The following IGSF3 variants were observed in gnomAD, a reference collection of about 807,000 sequenced individuals.
IGSF3 encodes the protein glu-Trp-Ile EWI motif-containing protein 3.
Under a neutral mutation model 114.4 loss-of-function variants are expected in IGSF3, and 23 were observed. The observed-to-expected ratio is 0.20, with a 90% CI of 0.14 to 0.28. The LOEUF (loss-of-function observed/expected upper bound fraction) is 0.28. Ranked by LOEUF, IGSF3 falls within the 10% of genes least tolerant of loss-of-function variation. The pLI, the probability that IGSF3 is intolerant of heterozygous loss-of-function variation, is 1.00. For missense variants in IGSF3, 1,172 were observed against 1,591.5 expected, an observed-to-expected ratio of 0.74 and a Z score of 4.48; for synonymous variants, 571 against 645.2, an observed-to-expected ratio of 0.88 and a Z score of 1.74.
rs71666800 is a variant in IGSF3 at position 116,630,690 on chromosome 1, A to T, written c.44-14233T>A. Among the ~76,000 whole-genome samples the T allele has an allele frequency of 2.0e-4, 30 of 152,304 alleles. No homozygotes were observed. In the East Asian group the frequency reaches 5.6e-3, roughly 28 times the overall value. ...CTAGGAGGCAGAGATAGATAAGTAA[A>T]CAGAGGCGGCAAAGCGTGGCACTGT... On this transcript the variant is annotated intron_variant, in intron 2 of 10. Transcript: ENST00000369486.
intron 4 of IGSF3, 84 bp from the exon 5 acceptor site, chr1:116,608,415 T>C (rs1372595859): frequency 1.4e-5 from 13 of 929,288 alleles, no homozygotes; most frequent in Non-Finnish European, 2.1e-5. Context: ...ATTCCCACTA[T>C]CCTTCCTCTT....
intron 6 of IGSF3, among the ~76,000 whole-genome samples, chr1:116,601,534 C>T (rs546671529): frequency 1.3e-5 from 2 of 152,098 alleles, no homozygotes; most frequent in South Asian, 4.2e-4. Context: ...ATGAGATATA[C>T]TATATTTTGT....
At position 116,648,609 on chromosome 1, in the gene IGSF3, G is replaced by A. The variant is rs1648502199; in HGVS notation, c.43+17675C>T. Among the ~76,000 whole-genome samples the A allele has an allele frequency of 6.6e-6, 1 of 152,230 alleles. No individual in the cohort carries two copies. Among genetic ancestry groups the A allele is most frequent in the South Asian group, 2.1e-4 (1 of 4,834 alleles). ...TTGATGCAACACTGTAACAAAGCGT[G>A]TGCAAAGTGCCTAGCTCCGGACTGC... On this transcript the variant is annotated intron_variant, in intron 2 of 10. Transcript: ENST00000369486. The surrounding 1 kb of genome is among the most constrained non-coding windows in gnomAD (Gnocchi z 4.7).
At chr1:116,613,216 T>G (rs1661090229) in intron 4 of IGSF3, among the ~76,000 whole-genome samples, 1 of 152,198 alleles carries the variant, frequency 6.6e-6, no homozygotes, top group African/African-American at 2.4e-5. Flanking sequence ...AAGTAATATG[T>G]GATAAAGCAT....
In IGSF3 at chr1:116,627,352, CTCAGTCTGGTCCCCAGATTT is replaced by C. The variant is rs1260673366; in HGVS notation, c.44-10915_44-10896del. On this transcript the variant is annotated intron_variant, in intron 2 of 10. Coordinates refer to ENST00000369486, the MANE Select transcript of IGSF3 (RefSeq NM_001007237.3). The surrounding 1 kb of genome is among the most constrained non-coding windows in gnomAD (Gnocchi z 4.7). ...TAGGATACCCCAGTTTCTCCAGACTCTCAGTCTGGTCCCCAGATTTTCAGTCTGGGAGAAAGGTGTCTGCT... is the reference window on the plus strand; with the variant it reads ...TAGGATACCCCAGTTTCTCCAGACTCTCAGTCTGGGAGAAAGGTGTCTGCT... Among the ~76,000 whole-genome samples, 1 of 152,232 alleles carries C rather than the reference CTCAGTCTGGTCCCCAGATTT, an allele frequency of 6.6e-6. No individual in the cohort carries two copies. The highest frequency in any genetic ancestry group is 2.4e-5 in the African/African-American group (1 of 41,452).
chr1:116,609,676 T>C (rs564085009), intron 4 of IGSF3, among the ~76,000 whole-genome samples: 14 of 152,200 alleles, frequency 9.2e-5, no homozygotes, highest in African/African-American at 3.4e-4. Context: ...TTGAATTCCA[T>C]GTAGATTCAT....
In IGSF3 at chr1:116,592,292, G is replaced by C. The variant is rs754853553; in HGVS notation, c.2030-3188C>G. Among the ~76,000 whole-genome samples the C allele has an allele frequency of 6.6e-6, 1 of 152,206 alleles. No individual in the cohort carries two copies. Among genetic ancestry groups the C allele is most frequent in the African/African-American group, 2.4e-5 (1 of 41,450 alleles). Reference sequence around the variant, plus strand: ...ATAAATGCAGACGTGAAAGAAAAGAGTGAGGCTTGGTTAACCCCCAACAGT... The same window carrying C: ...ATAAATGCAGACGTGAAAGAAAAGACTGAGGCTTGGTTAACCCCCAACAGT... On this transcript the variant is annotated intron_variant, in intron 7 of 10. Transcript: ENST00000369486. This position sits in a 1 kb window ranked among gnomAD's most constrained non-coding sequence, Gnocchi z 4.5.
Position 116,612,753 on chromosome 1 carries a change from G to C in IGSF3, c.832+1012C>G, listed in dbSNP as rs2101488087. 6.6e-6 allele frequency among the ~76,000 whole-genome samples: 1 copy of C among 152,334 alleles called. No homozygotes were observed. The highest frequency in any genetic ancestry group is 1.9e-4 in the East Asian group (1 of 5,174). ...CTTCCGCACAAGGAAAGGCTTTCAG[G>C]CCACTCATCGCCAACTTAGTGATGG... On this transcript the variant is annotated intron_variant, in intron 4 of 10. Coordinates refer to ENST00000369486, the MANE Select transcript of IGSF3 (RefSeq NM_001007237.3). This position sits in a 1 kb window ranked among gnomAD's most constrained non-coding sequence, Gnocchi z 4.1.
chr1:116,585,142 C>A lies in IGSF3; in HGVS notation c.2441-90G>T. 1.0e-6 allele frequency: 1 copy of A among 984,808 alleles called. No homozygotes were observed. The highest frequency in any genetic ancestry group is 1.8e-5 in the South Asian group (1 of 54,522). 61.0% of individuals were successfully genotyped at this position (984,808 alleles called of 1,614,324 possible). A position where few individuals can be genotyped will look rare whatever the true frequency, so the allele number is the denominator to read the frequency against. ...CCAGGGTAGGTGAATGGATGCCTTC[C>A]AAATACAGAAGGACGGCAGCACACA... On this transcript the variant is annotated intron_variant, in intron 8 of 10. Transcript: ENST00000369486. The surrounding 1 kb of genome is among the most constrained non-coding windows in gnomAD (Gnocchi z 4.9).
At position 116,638,961 on chromosome 1, in the gene IGSF3, A is replaced by T. The variant is rs1647957466; in HGVS notation, c.44-22504T>A. ...CAGCTGCGCCACTGCCCAGGAAAAA[A>T]GTCACAGGTAGGAAGACAAGCATAG... is the stretch of plus-strand genomic sequence containing the variant. On this transcript the variant is annotated intron_variant, in intron 2 of 10. Coordinates refer to ENST00000369486, the MANE Select transcript of IGSF3 (RefSeq NM_001007237.3). The surrounding 1 kb of genome is among the most constrained non-coding windows in gnomAD (Gnocchi z 4.1). 6.6e-6 allele frequency among the ~76,000 whole-genome samples: 1 copy of T among 152,238 alleles called. No homozygotes were observed. Among genetic ancestry groups the T allele is most frequent in the African/African-American group, 2.4e-5 (1 of 41,456 alleles).
At chr1:116,658,801 C>T (rs1436463527) in intron 2 of IGSF3, among the ~76,000 whole-genome samples, 2 of 152,200 alleles carry the variant, frequency 1.3e-5, no homozygotes, top group African/African-American at 4.8e-5. Flanking sequence ...ACTTGCCTGG[C>T]CTCTCTCCCC....
rs895877853 is a variant in IGSF3 at position 116,636,794 on chromosome 1, C to T, written c.44-20337G>A. On this transcript the variant is annotated intron_variant, in intron 2 of 10. Transcript: ENST00000369486. This position sits in a 1 kb window ranked among gnomAD's most constrained non-coding sequence, Gnocchi z 4.5. Reference sequence around the variant, plus strand: ...TTCCACACTCCAAAGACAGCATCTCCGCGAGAAGTGTTGGGCAGTGTCCAG... The same window carrying T: ...TTCCACACTCCAAAGACAGCATCTCTGCGAGAAGTGTTGGGCAGTGTCCAG... 3.3e-5 allele frequency among the ~76,000 whole-genome samples: 5 copies of T among 152,116 alleles called. No homozygotes were observed. The highest frequency in any genetic ancestry group is 5.9e-5 in the Non-Finnish European group (4 of 68,022).
chr1:116,651,098 A>C lies in IGSF3; in HGVS notation c.43+15186T>G, dbSNP rs1648615109. ...ACAAAAAGGAAGCTCACAATAAGGA[A>C]CGCCCATGCCTAGCCATAACTGAGC... On this transcript the variant is annotated intron_variant, in intron 2 of 10. Transcript: ENST00000369486. This position sits in a 1 kb window ranked among gnomAD's most constrained non-coding sequence, Gnocchi z 4.4. Among the ~76,000 whole-genome samples, 1 of 152,198 alleles carries C rather than the reference A, an allele frequency of 6.6e-6. No individual in the cohort carries two copies. Among genetic ancestry groups the C allele is most frequent in the Non-Finnish European group, 1.5e-5 (1 of 68,024 alleles).
intron 2 of IGSF3, among the ~76,000 whole-genome samples, chr1:116,639,630 TAAGTCAAAGC>T (rs1030671387): frequency 1.5e-4 from 23 of 152,346 alleles, no homozygotes; most frequent in Non-Finnish European, 3.2e-4. Context: ...CTAAGCTTGT[TAAGTCAAAGC>T]AAGTCAAAGC....
rs933762429 is a variant in IGSF3, at chr1:116,629,862, C to T, written c.44-13405G>A. Among the ~76,000 whole-genome samples the T allele has an allele frequency of 1.4e-4, 21 of 152,208 alleles. No homozygotes were observed. The highest frequency in any genetic ancestry group is 9.8e-4 in the Admixed American group (15 of 15,286). ...TGTTGATCCCTTCCAAGCCTTCTAACGCATCTCTTCTCTTGCTTCTTCCAA... is the reference window on the plus strand; with the variant it reads ...TGTTGATCCCTTCCAAGCCTTCTAATGCATCTCTTCTCTTGCTTCTTCCAA... On this transcript the variant is annotated intron_variant, in intron 2 of 10. Coordinates refer to ENST00000369486, the MANE Select transcript of IGSF3 (RefSeq NM_001007237.3). The surrounding 1 kb of genome is among the most constrained non-coding windows in gnomAD (Gnocchi z 4.3).
chr1:116,657,907 A>AT lies in IGSF3; in HGVS notation c.43+8376dup, dbSNP rs36060855. Reference sequence around the variant, plus strand: ...AGAAAGAACACACAACTGGTATCAGATTTTTTTTTCTGTTTTAATAAAGAG... The same window carrying AT: ...AGAAAGAACACACAACTGGTATCAGATTTTTTTTTTCTGTTTTAATAAAGAG... On this transcript the variant is annotated intron_variant, in intron 2 of 10. Coordinates refer to ENST00000369486, the MANE Select transcript of IGSF3 (RefSeq NM_001007237.3). This position sits in a 1 kb window ranked among gnomAD's most constrained non-coding sequence, Gnocchi z 4.2. Among the ~76,000 whole-genome samples the AT allele has an allele frequency of 2.6e-4, 40 of 151,728 alleles. No homozygotes were observed. The highest frequency in any genetic ancestry group is 8.9e-4 in the African/African-American group (37 of 41,380).
At chr1:116,631,272 C>G (rs1191870667) in intron 2 of IGSF3, among the ~76,000 whole-genome samples, 1 of 143,180 alleles carries the variant, frequency 7.0e-6, no homozygotes, top group African/African-American at 2.7e-5. Flanking sequence ...GAGCCGAGAT[C>G]GCACCACTGC....
rs1647821961 is a variant in IGSF3, at chr1:116,636,221, C to A, written c.44-19764G>T. On this transcript the variant is annotated intron_variant, in intron 2 of 10. Coordinates refer to ENST00000369486, the MANE Select transcript of IGSF3 (RefSeq NM_001007237.3). The surrounding 1 kb of genome is among the most constrained non-coding windows in gnomAD (Gnocchi z 4.5). ...CCCATACCGAGTCTACCATTCCTTC[C>A]CTGATCAAAGTTGCTTTCACAGGCA... Among the ~76,000 whole-genome samples, 1 of 152,206 alleles carries A rather than the reference C, an allele frequency of 6.6e-6. No homozygotes were observed. The highest frequency in any genetic ancestry group is 1.5e-5 in the Non-Finnish European group (1 of 68,044).
intron 2 of IGSF3, among the ~76,000 whole-genome samples, chr1:116,637,053 C>G (rs1273861892): frequency 6.6e-6 from 1 of 152,170 alleles, no homozygotes; most frequent in African/African-American, 2.4e-5. Context: ...CCTGGCCACC[C>G]TCACTGATCA....
Sources: allele counts gnomAD v4.1 joint callset (sites outside exome capture counted in the v4.1 genomes callset), GRCh38; gene constraint gnomAD v4.1.1; non-coding constraint Gnocchi (gnomAD v3.1); transcripts MANE v1.5; gene names NCBI Gene and HGNC (gene_info 2026-07-23, HGNC 2026-07-21).